Variants in MLLT10 observed in about 807,000 individuals in gnomAD.
The protein encoded by MLLT10 is protein AF-10.
In MLLT10, 30 loss-of-function variants were observed where a neutral mutation model predicts 129.1. That is an observed-to-expected ratio of 0.23 (90% CI 0.17 to 0.32). The LOEUF (loss-of-function observed/expected upper bound fraction) is 0.32. MLLT10 is among the 10% of genes least tolerant of loss of function. The pLI is 1.00. For synonymous variants in MLLT10, 490 were observed against 446.4 expected (o/e 1.10, Z -1.23); for missense variants, 1,119 against 1,268.3 (o/e 0.88, Z 1.79).
chr10:21,646,936 A>G (rs933208213), intron 8 of MLLT10, among the ~76,000 whole-genome samples: 1 of 151,328 alleles, frequency 6.6e-6, no homozygotes, highest in African/African-American at 2.4e-5. Flanking sequence ...GCTCACTGCA[A>G]GCTCCGCCTC....
rs2033515544 is a variant in MLLT10, at chr10:21,534,818, C to T, written c.160+14C>T. ...CGGTGCATCAAGGTAAACACCCAACCGCCCGCCGGGGCGCGCCGGCCTGCG... is the reference window on the plus strand; with the variant it reads ...CGGTGCATCAAGGTAAACACCCAACTGCCCGCCGGGGCGCGCCGGCCTGCG... On this transcript the variant is annotated intron_variant, in intron 2 of 22. Coordinates refer to ENST00000307729, the MANE Select transcript of MLLT10 (RefSeq NM_001195626.3). The T allele has an allele frequency of 1.3e-6, 2 of 1,574,074 alleles. No homozygotes were observed. The highest frequency in any genetic ancestry group is 1.8e-5 in the Admixed American group (1 of 56,744).
chr10:21,630,528 T>C (rs1333547088), intron 8 of MLLT10, among the ~76,000 whole-genome samples: 1 of 152,208 alleles, frequency 6.6e-6, no homozygotes, highest in Non-Finnish European at 1.5e-5. Flanking sequence ...TTATGTTGTT[T>C]ATATAGCAAG....
chr10:21,633,880 G>A (rs1015059913), intron 8 of MLLT10, among the ~76,000 whole-genome samples: 1 of 152,124 alleles, frequency 6.6e-6, no homozygotes, highest in African/African-American at 2.4e-5. Context: ...CGTTGTTCGA[G>A]CAATGTCCTA....
At chr10:21,549,659 C>CTTTTT (rs11374255) in intron 3 of MLLT10, among the ~76,000 whole-genome samples, 3 of 121,982 alleles carry the variant, frequency 2.5e-5, no homozygotes, top group African/African-American at 6.2e-5. Flanking sequence ...GAGTTGTACT[C>CTTTTT]TTTTTTTTTT....
intron 9 of MLLT10, among the ~76,000 whole-genome samples, chr10:21,665,171 C>A (rs543219629): frequency 6.6e-6 from 1 of 151,746 alleles, no homozygotes; most frequent in Non-Finnish European, 1.5e-5. Flanking sequence ...GTCCTGAACT[C>A]TTGGCCTCAA....
chr10:21,556,943 T>G (rs2130981285), intron 3 of MLLT10: 2 of 1,544,876 alleles, frequency 1.3e-6, no homozygotes, highest in Middle Eastern at 3.4e-4. Flanking sequence ...GAGGTGGTAG[T>G]GTTTAAGTGG....
At chr10:21,675,056 A>G (rs1307066752) in intron 11 of MLLT10, among the ~76,000 whole-genome samples, 1 of 152,232 alleles carries the variant, frequency 6.6e-6, no homozygotes, top group African/African-American at 2.4e-5. Flanking sequence ...TAGTAACAAT[A>G]ACTGTGATTT....
chr10:21,571,615 TA>T (rs1490414530), intron 3 of MLLT10, among the ~76,000 whole-genome samples: 1 of 152,262 alleles, frequency 6.6e-6, no homozygotes, highest in African/African-American at 2.4e-5. Context: ...GCAAGGAGGC[TA>T]TATCTGGTCC....
At chr10:21,597,584 C>T (rs1487807583) in intron 5 of MLLT10, among the ~76,000 whole-genome samples, 1 of 152,156 alleles carries the variant, frequency 6.6e-6, no homozygotes, top group Non-Finnish European at 1.5e-5. Context: ...GTTGGCCAGG[C>T]TGCTCTCGAA....
At chr10:21,534,906 GCCGCGGGAGGGACGCGGAGGGT>G (rs2033557471) in intron 2 of MLLT10, 102 bp downstream of exon 2, 5 of 845,542 alleles carry the variant, frequency 5.9e-6, no homozygotes, top group Non-Finnish European at 5.7e-6. Flanking sequence ...CCGTGCCGCG[GCCGCGGGAGGGACGCGGAGGGT>G]CCGCGGCGGG....
chr10:21,720,258 G>A (rs2057035077), intron 14 of MLLT10, among the ~76,000 whole-genome samples: 1 of 152,164 alleles, frequency 6.6e-6, no homozygotes, highest in Non-Finnish European at 1.5e-5. Context: ...GAGCAGTTTG[G>A]AGCATTGAAT....
intron 3 of MLLT10, among the ~76,000 whole-genome samples, chr10:21,566,308 T>A (rs370647214): frequency 1.3e-5 from 2 of 151,250 alleles, no homozygotes; most frequent in African/African-American, 4.9e-5. Flanking sequence ...TACATAGTTA[T>A]AGATGTTGTC....
intron 8 of MLLT10, among the ~76,000 whole-genome samples, chr10:21,632,896 G>T (rs945245619): frequency 1.3e-5 from 2 of 152,004 alleles, no homozygotes; most frequent in African/African-American, 4.8e-5. Flanking sequence ...CTATGACACA[G>T]CAGTATTATA....
At chr10:21,608,518 A>C (rs1239043049) in intron 5 of MLLT10, among the ~76,000 whole-genome samples, 4 of 151,916 alleles carry the variant, frequency 2.6e-5, no homozygotes, top group Non-Finnish European at 5.9e-5. Flanking sequence ...TTTTCATCTT[A>C]TTTTGAGTTT....
At chr10:21,542,578 T>C (rs954287349) in intron 3 of MLLT10, among the ~76,000 whole-genome samples, 1 of 151,846 alleles carries the variant, frequency 6.6e-6, no homozygotes, top group African/African-American at 2.4e-5. Context: ...CAAAAAAATA[T>C]ATATATATTA....
At chr10:21,554,436 C>T (rs945641834) in intron 3 of MLLT10, among the ~76,000 whole-genome samples, 4 of 151,848 alleles carry the variant, frequency 2.6e-5, no homozygotes, top group African/African-American at 4.8e-5. Flanking sequence ...GCCACTACTC[C>T]TGGCCCTCCT....
At chr10:21,605,295 C>T (rs1367497254) in intron 5 of MLLT10, among the ~76,000 whole-genome samples, 2 of 151,974 alleles carry the variant, frequency 1.3e-5, no homozygotes, top group Non-Finnish European at 2.9e-5. Flanking sequence ...CGCTGCCCAG[C>T]ATCACAAGAG....
chr10:21,673,973 T>A, intron 11 of MLLT10, 54 bp downstream of exon 11: 1 of 1,395,108 alleles, frequency 7.2e-7, no homozygotes, highest in Non-Finnish European at 9.7e-7. Flanking sequence ...CCTCCCTTCT[T>A]CTGTCCCAAA....
chr10:21,601,408 G>T (rs1405880481), intron 5 of MLLT10, among the ~76,000 whole-genome samples: 1 of 152,196 alleles, frequency 6.6e-6, no homozygotes, highest in African/African-American at 2.4e-5. Flanking sequence ...AAGGCAGCAA[G>T]CATTCCAATC....
Sources: gnomAD v4.1 joint callset for allele counts (sites outside exome capture counted in the v4.1 genomes callset) on GRCh38, gnomAD v4.1.1 for gene constraint, MANE v1.5 for transcripts, NCBI Gene and HGNC (gene_info 2026-07-23, HGNC 2026-07-21) for gene names.